Variants in NRXN3 observed in about 807,000 individuals in gnomAD.
NRXN3 encodes the protein neurexin III.
In NRXN3, 32 loss-of-function variants were observed where a neutral mutation model predicts 137.6. The observed-to-expected ratio is 0.23, with a 90% CI of 0.18 to 0.31. NRXN3 has a LOEUF of 0.31. Ranked by LOEUF, NRXN3 falls within the 10% of genes least tolerant of loss-of-function variation. The pLI is 1.00. For missense variants in NRXN3, 1,574 were observed against 2,062.5 expected, an observed-to-expected ratio of 0.76 and a Z score of 4.59; for synonymous variants, 798 against 784.5, an observed-to-expected ratio of 1.02 and a Z score of -0.29.
At chr14:79,125,589 C>T (rs1054673087) in intron 15 of NRXN3, among the ~76,000 whole-genome samples, 2 of 152,138 alleles carry the variant, frequency 1.3e-5, no homozygotes, top group African/African-American at 4.8e-5. Flanking sequence ...TGGATTGTTG[C>T]AATGCAGTCT....
intron 4 of NRXN3, among the ~76,000 whole-genome samples, chr14:78,503,189 T>A (rs1425372942): frequency 4.6e-5 from 7 of 152,200 alleles, no homozygotes; most frequent in Admixed American, 1.3e-4. Flanking sequence ...GCATAATACC[T>A]AAGGGCAAAA....
At chr14:78,197,232 G>A (rs190496137) in intron 1 of NRXN3, among the ~76,000 whole-genome samples, 143 of 152,338 alleles carry the variant, frequency 9.4e-4, no homozygotes, top group African/African-American at 3.4e-3. Flanking sequence ...TGGCGTGCAT[G>A]CATAATCAAT....
chr14:78,444,792 A>G (rs2094366042), intron 4 of NRXN3, among the ~76,000 whole-genome samples: 3 of 151,548 alleles, frequency 2.0e-5, no homozygotes, highest in South Asian at 4.2e-4. Flanking sequence ...CATGGTGGAT[A>G]CCTGTAATCC....
In NRXN3 at chr14:79,662,282, G is replaced by A. The variant is rs76051861; in HGVS notation, c.3445-1496G>A. 3.4e-3 allele frequency among the ~76,000 whole-genome samples: 523 copies of A among 152,208 alleles called. 6 individuals carry two copies. The highest frequency in any genetic ancestry group is 0.012 in the African/African-American group (509 of 41,550). On this transcript the variant is annotated intron_variant, in intron 16 of 20. Transcript: ENST00000335750. ...TAATTTGGAAAACTAAAGAAATTGA[G>A]CAAGATGTCTCCCTTCTGTCCTTAC...
chr14:78,176,778 G>A (rs1424813439), intron 1 of NRXN3, among the ~76,000 whole-genome samples: 1 of 152,014 alleles, frequency 6.6e-6, no homozygotes, highest in East Asian at 1.9e-4. Context: ...TTTTCCAAGG[G>A]TATTGCAGCT....
At chr14:79,014,704 G>A (rs1452803815) in intron 15 of NRXN3, among the ~76,000 whole-genome samples, 2 of 152,164 alleles carry the variant, frequency 1.3e-5, no homozygotes, top group Non-Finnish European at 2.9e-5. Flanking sequence ...AGCTAGTGCA[G>A]TTGTTTGGAG....
chr14:78,880,280 A>C (rs532223527), intron 10 of NRXN3, among the ~76,000 whole-genome samples: 5 of 151,872 alleles, frequency 3.3e-5, no homozygotes, highest in Admixed American at 6.6e-5. Flanking sequence ...ACCCATTTAC[A>C]ATAGTATAGG....
intron 10 of NRXN3, among the ~76,000 whole-genome samples, chr14:78,849,505 T>G (rs1476654542): frequency 1.3e-5 from 2 of 152,088 alleles, no homozygotes; most frequent in Non-Finnish European, 2.9e-5. Context: ...GTTCTAAAAA[T>G]TCCATGATGT....
intron 16 of NRXN3, among the ~76,000 whole-genome samples, chr14:79,597,486 G>A (rs1055422605): frequency 6.6e-6 from 1 of 152,170 alleles, no homozygotes; most frequent in Non-Finnish European, 1.5e-5. Flanking sequence ...TTTAGTATGC[G>A]AGTAATCACT....
At position 79,009,886 on chromosome 14, in the gene NRXN3, A is replaced by C. The variant is rs527704730; in HGVS notation, c.3262+21745A>C. ...AAATAAAGGCTTCTTTTGCAAGATCACGAAATAATTCAGCAAATACTGTGG... is the reference window on the plus strand; with the variant it reads ...AAATAAAGGCTTCTTTTGCAAGATCCCGAAATAATTCAGCAAATACTGTGG... On this transcript the variant is annotated intron_variant, in intron 15 of 20. Transcript: ENST00000335750. 5.3e-5 allele frequency among the ~76,000 whole-genome samples: 8 copies of C among 152,310 alleles called. No homozygotes were observed. In the East Asian group the frequency reaches 1.5e-3, roughly 29 times the overall value.
chr14:78,380,617 A>AACCTCCAG (rs1299952462), intron 4 of NRXN3, among the ~76,000 whole-genome samples: 1 of 152,172 alleles, frequency 6.6e-6, no homozygotes, highest in African/African-American at 2.4e-5. Flanking sequence ...TCTTCCCTAA[A>AACCTCCAG]ACCTCCAGAG....
At position 78,787,664 on chromosome 14, in the gene NRXN3, G is replaced by A. The variant is rs1489248487; in HGVS notation, c.2045-15956G>A. ...ACTGAGAAAAAGAATATGGCAGAGT[G>A]AGGCAGCAAGCTTTGAGCAAAACAA... On this transcript the variant is annotated intron_variant, in intron 8 of 20. Coordinates refer to ENST00000335750, the MANE Select transcript of NRXN3 (RefSeq NM_001330195.2). 2.6e-5 allele frequency among the ~76,000 whole-genome samples: 4 copies of A among 152,132 alleles called. No individual in the cohort carries two copies. The East Asian group carries it at 7.7e-4, about 29-fold the overall frequency.
At chr14:79,285,365 G>A (rs1322395461) in intron 15 of NRXN3, among the ~76,000 whole-genome samples, 1 of 152,206 alleles carries the variant, frequency 6.6e-6, no homozygotes, top group Non-Finnish European at 1.5e-5. Flanking sequence ...GGTGACCAGG[G>A]AGGGAAGCAA....
At chr14:79,169,609 A>G (rs1309414575) in intron 15 of NRXN3, among the ~76,000 whole-genome samples, 2 of 152,080 alleles carry the variant, frequency 1.3e-5, no homozygotes, top group Non-Finnish European at 2.9e-5. Context: ...GCCTATCTTT[A>G]TGGCCTTCAG....
intron 16 of NRXN3, among the ~76,000 whole-genome samples, chr14:79,561,402 G>C (rs2097495347): frequency 6.6e-6 from 1 of 152,122 alleles, no homozygotes; most frequent in Admixed American, 6.6e-5. Context: ...AGAAGTAAAA[G>C]ACAGAGCTAT....
chr14:79,681,334 G>T (rs2098669115), intron 17 of NRXN3, among the ~76,000 whole-genome samples: 1 of 152,022 alleles, frequency 6.6e-6, no homozygotes, highest in South Asian at 2.1e-4. Flanking sequence ...TGAATTCCTG[G>T]CTATATCATT....
intron 15 of NRXN3, among the ~76,000 whole-genome samples, chr14:79,356,102 A>G (rs1378159513): frequency 6.6e-6 from 1 of 152,196 alleles, no homozygotes; most frequent in Non-Finnish European, 1.5e-5. Context: ...AAAGTAGTCT[A>G]ACAATAGAGA....
Position 78,242,804 on chromosome 14 carries a change from T to C in NRXN3, c.-290T>C. The C allele has an allele frequency of 2.4e-6, 1 of 424,540 alleles. No individual in the cohort carries two copies. Among genetic ancestry groups the C allele is most frequent in the Non-Finnish European group, 4.2e-6 (1 of 240,478 alleles). 26.3% of individuals were successfully genotyped at this position (424,540 alleles called of 1,614,324 possible). On this transcript the variant is annotated 5_prime_UTR_variant, in exon 2 of 21. Coordinates refer to ENST00000335750, the MANE Select transcript of NRXN3 (RefSeq NM_001330195.2). Reference sequence around the variant, plus strand: ...TCTTGGAGAAAGACGCTTTCCTCTTTACTCCAGTCCCTCACTTCCCCACCT... The same window carrying C: ...TCTTGGAGAAAGACGCTTTCCTCTTCACTCCAGTCCCTCACTTCCCCACCT...
chr14:79,617,316 A>G (rs913222623), intron 16 of NRXN3, among the ~76,000 whole-genome samples: 1 of 152,146 alleles, frequency 6.6e-6, no homozygotes, highest in East Asian at 1.9e-4. Flanking sequence ...TGGCTTTTCA[A>G]AAGTGTGCAT....
Sources: allele counts gnomAD v4.1 joint callset (sites outside exome capture counted in the v4.1 genomes callset), GRCh38; gene constraint gnomAD v4.1.1; transcripts MANE v1.5; gene names NCBI Gene and HGNC (gene_info 2026-07-23, HGNC 2026-07-21).